Variants in FGF1 observed in about 807,000 individuals in gnomAD.
FGF1 encodes beta-endothelial cell growth factor.
Under a neutral mutation model 13.4 loss-of-function variants are expected in FGF1, and 9 were observed. The ratio of observed to expected loss-of-function variants is 0.67; its 90% CI spans 0.40 to 1.17. FGF1 has a LOEUF of 1.17. FGF1 is among the 50% of genes most tolerant of loss of function. The pLI, the probability that FGF1 is intolerant of heterozygous loss-of-function variation, is 0.01. For synonymous variants in FGF1, 93 were observed against 79.0 expected (o/e 1.18, Z -0.94); for missense variants, 156 against 192.7 (o/e 0.81, Z 1.13).
At chr5:142,689,456 A>G (rs1751781455), upstream of FGF1, among the ~76,000 whole-genome samples, 1 of 152,172 alleles carries the variant, frequency 6.6e-6, no homozygotes, top group African/African-American at 2.4e-5. Context: ...CCAGCCAGCC[A>G]CAAACATCAC....
intron 1 of FGF1, among the ~76,000 whole-genome samples, chr5:142,628,257 T>C (rs2151918193): frequency 1.3e-5 from 2 of 152,306 alleles, no homozygotes; most frequent in Middle Eastern, 6.8e-3. Flanking sequence ...ACACCTGTAA[T>C]CCCAGCATGT....
chr5:142,674,081 C>T (rs1772017674), intron 1 of FGF1, among the ~76,000 whole-genome samples: 1 of 152,142 alleles, frequency 6.6e-6, no homozygotes, highest in African/African-American at 2.4e-5. Context: ...GTGCCTGGTG[C>T]CCCTTGTTCT....
intron 1 of FGF1, among the ~76,000 whole-genome samples, chr5:142,625,678 G>A (rs1220287834): frequency 6.6e-6 from 1 of 152,198 alleles, no homozygotes; most frequent in African/African-American, 2.4e-5. Flanking sequence ...ACACATTAAA[G>A]CCCCAGGGCT....
chr5:142,618,315 T>G (rs537196405), intron 1 of FGF1, among the ~76,000 whole-genome samples: 3 of 152,144 alleles, frequency 2.0e-5, no homozygotes, highest in Non-Finnish European at 4.4e-5. Context: ...CTCTGACACA[T>G]GAACAGGATG....
At chr5:142,669,365 G>T (rs1395137758) in intron 1 of FGF1, among the ~76,000 whole-genome samples, 2 of 152,202 alleles carry the variant, frequency 1.3e-5, no homozygotes, top group Non-Finnish European at 2.9e-5. Context: ...GCCAGTCGAG[G>T]ACAGAAGCAT....
chr5:142,622,472 A>C (rs769679547), intron 1 of FGF1, among the ~76,000 whole-genome samples: 1 of 152,226 alleles, frequency 6.6e-6, no homozygotes, highest in Non-Finnish European at 1.5e-5. Context: ...TTAGGCCAGA[A>C]TACCCTACCT....
chr5:142,651,552 T>C (rs1767250747), intron 1 of FGF1, among the ~76,000 whole-genome samples: 1 of 152,206 alleles, frequency 6.6e-6, no homozygotes, highest in African/African-American at 2.4e-5. Context: ...ATACCTTCTA[T>C]GGGTTTTGAC....
In FGF1 at chr5:142,637,138, C is replaced by T. The variant is rs111595273; in HGVS notation, c.-34-22977G>A. 1.0e-3 allele frequency among the ~76,000 whole-genome samples: 157 copies of T among 152,032 alleles called. 2 individuals are homozygous for T. Among genetic ancestry groups the T allele is most frequent in the African/African-American group, 3.7e-3 (153 of 41,316 alleles). On this transcript the variant is annotated intron_variant, in intron 1 of 3. Coordinates refer to ENST00000337706, the MANE Select transcript of FGF1 (RefSeq NM_000800.5). The stretch of plus-strand genomic sequence containing the variant: ...CCTTGAGTATGTCAGCCCAGCGGCC[C>T]TCTCTGGGAGAGACAGTGGCATTTA...
At chr5:142,625,775 A>G (rs970608072) in intron 1 of FGF1, among the ~76,000 whole-genome samples, 4 of 152,174 alleles carry the variant, frequency 2.6e-5, no homozygotes, top group Non-Finnish European at 5.9e-5. Context: ...TGTCTCCAAA[A>G]ATCTTTTGAA....
intron 1 of FGF1, among the ~76,000 whole-genome samples, chr5:142,673,230 A>T (rs748018632): frequency 4.6e-4 from 70 of 152,270 alleles, no homozygotes; most frequent in Middle Eastern, 6.8e-3. Flanking sequence ...GTCAAGGCAA[A>T]TTCTATCAGA....
At chr5:142,651,980 C>T (rs922383801) in intron 1 of FGF1, among the ~76,000 whole-genome samples, 2 of 152,256 alleles carry the variant, frequency 1.3e-5, no homozygotes, top group East Asian at 1.9e-4. Flanking sequence ...TTATTAAGTG[C>T]TTCGTACCAT....
chr5:142,641,038 A>G (rs1485566593), intron 1 of FGF1, among the ~76,000 whole-genome samples: 2 of 152,036 alleles, frequency 1.3e-5, no homozygotes, highest in Admixed American at 6.5e-5. Flanking sequence ...CAAAAGGAGA[A>G]GAGTTTTGAT....
At chr5:142,676,259 A>G (rs1344699061) in intron 1 of FGF1, among the ~76,000 whole-genome samples, 1 of 152,206 alleles carries the variant, frequency 6.6e-6, no homozygotes, top group East Asian at 1.9e-4. Flanking sequence ...GCCAGCCGCA[A>G]CAATCATTCA....
intron 2 of FGF1, among the ~76,000 whole-genome samples, chr5:142,608,718 T>TATATATAC (rs1389651958): frequency 6.8e-6 from 1 of 146,866 alleles, no homozygotes; most frequent in African/African-American, 2.5e-5. Flanking sequence ...CATATATATA[T>TATATATAC]ACACACACAC....
At chr5:142,655,310 C>T (rs1767961816) in intron 1 of FGF1, among the ~76,000 whole-genome samples, 1 of 152,132 alleles carries the variant, frequency 6.6e-6, no homozygotes, top group African/African-American at 2.4e-5. Flanking sequence ...TGAAGCGGCC[C>T]TTCCCTCATC....
chr5:142,606,515 C>T (rs937438315), intron 2 of FGF1, among the ~76,000 whole-genome samples: 2 of 151,068 alleles, frequency 1.3e-5, no homozygotes, highest in Admixed American at 6.6e-5. Flanking sequence ...CCCAGCTACT[C>T]GGGAGGCTGA....
At chr5:142,630,308 G>C (rs1050241264) in intron 1 of FGF1, among the ~76,000 whole-genome samples, 1 of 151,990 alleles carries the variant, frequency 6.6e-6, no homozygotes, top group Non-Finnish European at 1.5e-5. Context: ...TCTGCTAATC[G>C]AGCCCTTGGA....
At chr5:142,635,049 A>G (rs917059205) in intron 1 of FGF1, among the ~76,000 whole-genome samples, 3 of 152,090 alleles carry the variant, frequency 2.0e-5, no homozygotes, top group African/African-American at 4.8e-5. Flanking sequence ...ACTTAATTTA[A>G]GTATCGGAAA....
chr5:142,618,044 T>C (rs1013690842), intron 1 of FGF1, among the ~76,000 whole-genome samples: 1 of 152,228 alleles, frequency 6.6e-6, no homozygotes, highest in Non-Finnish European at 1.5e-5. Flanking sequence ...GTTACTATTT[T>C]CTTTTTAGTG....
Sources: gnomAD v4.1 joint callset for allele counts (sites outside exome capture counted in the v4.1 genomes callset) on GRCh38, gnomAD v4.1.1 for gene constraint, MANE v1.5 for transcripts, NCBI Gene and HGNC (gene_info 2026-07-23, HGNC 2026-07-21) for gene names.